CNST: variants seen among roughly 807,000 people sequenced by gnomAD.
CNST encodes consortin, connexin sorting protein, also known as consortin.
In CNST, 39 loss-of-function variants were observed where a neutral mutation model predicts 72.4. The ratio of observed to expected loss-of-function variants is 0.54; its 90% CI spans 0.42 to 0.70. The LOEUF is 0.70. Ranked by LOEUF, CNST falls within the 30% of genes least tolerant of loss-of-function variation. The pLI is 0.00. For missense variants in CNST, 871 were observed against 868.5 expected, an observed-to-expected ratio of 1.00 and a Z score of -0.04; for synonymous variants, 332 against 320.1, an observed-to-expected ratio of 1.04 and a Z score of -0.40.
At chr1:246,645,728 A>G (rs916522031) in intron 8 of CNST, among the ~76,000 whole-genome samples, 3 of 152,032 alleles carry the variant, frequency 2.0e-5, no homozygotes, top group Non-Finnish European at 4.4e-5. Flanking sequence ...CGCCCGGCCA[A>G]AAAGGTTAAA....
chr1:246,665,499 G>A (rs1384925448), intron 10 of CNST, among the ~76,000 whole-genome samples: 1 of 152,224 alleles, frequency 6.6e-6, no homozygotes, highest in African/African-American at 2.4e-5. Context: ...GCTTGTACAA[G>A]CTCCACAAGT....
At chr1:246,602,936 C>T (rs1662407549) in intron 2 of CNST, among the ~76,000 whole-genome samples, 1 of 151,290 alleles carries the variant, frequency 6.6e-6, no homozygotes, top group Non-Finnish European at 1.5e-5. Context: ...TGTTAAAATG[C>T]AGTATCTATG....
chr1:246,626,946 G>C (rs116152298), intron 3 of CNST, among the ~76,000 whole-genome samples: 2,386 of 152,264 alleles, frequency 0.016, 24 homozygotes, highest in Middle Eastern at 0.037. Flanking sequence ...GCCTTGAAGT[G>C]ATACTTTATT....
At position 246,666,571 on chromosome 1, in the gene CNST, G is replaced by A. The variant is rs3795472; in HGVS notation, c.*666G>A. On this transcript the variant is annotated 3_prime_UTR_variant, in exon 11 of 11. Transcript: ENST00000366513. ...AAATCTTTGGAGAAGGCTTAACTGT[G>A]GAATAGATGAATTCTAGAACTCTTG... 91,288 of 152,138 alleles carry A rather than the reference G, an allele frequency of 0.6. 27,523 individuals are homozygous for A. The highest frequency in any genetic ancestry group is 0.68 in the East Asian group (3,531 of 5,170). 9.4% of individuals were successfully genotyped at this position (152,138 alleles called of 1,614,324 possible).
At chr1:246,568,792 G>A (rs1423870134) in intron 1 of CNST, among the ~76,000 whole-genome samples, 7 of 152,206 alleles carry the variant, frequency 4.6e-5, no homozygotes, top group Non-Finnish European at 8.8e-5. Context: ...GGCCAGGGTG[G>A]TCTTGACCTC....
chr1:246,597,165 G>T (rs114956676), intron 2 of CNST, among the ~76,000 whole-genome samples: 4,378 of 152,232 alleles, frequency 0.029, 207 homozygotes, highest in African/African-American at 0.1. Context: ...CTGTATGAGG[G>T]TTACAGTTTC....
chr1:246,612,203 AT>A (rs1663364694), intron 2 of CNST, among the ~76,000 whole-genome samples: 1 of 152,114 alleles, frequency 6.6e-6, no homozygotes, highest in South Asian at 2.1e-4. Flanking sequence ...TTGTGAATGT[AT>A]TTTTTTGTTT....
intron 9 of CNST, among the ~76,000 whole-genome samples, chr1:246,656,417 T>C (rs114180124): frequency 0.015 from 2,270 of 152,192 alleles, 44 homozygotes; most frequent in African/African-American, 0.052. Context: ...CCAGATGGAA[T>C]TTTTTTTAAT....
intron 2 of CNST, among the ~76,000 whole-genome samples, chr1:246,595,314 G>T (rs553583381): frequency 2.5e-4 from 38 of 152,292 alleles, no homozygotes; most frequent in African/African-American, 9.1e-4. Context: ...CTAAGAACTT[G>T]CTTCAGCCTG....
chr1:246,653,427 G>GA (rs1461140347), intron 9 of CNST, among the ~76,000 whole-genome samples: 1 of 152,212 alleles, frequency 6.6e-6, no homozygotes, highest in Admixed American at 6.5e-5. Flanking sequence ...GAGGGTCTTA[G>GA]AAACAGCAAT....
rs769144157 is a variant in CNST, at chr1:246,660,202, G to C, written c.1840G>C (p.Val614Leu). The C allele has an allele frequency of 6.2e-7, 1 of 1,607,172 alleles. No homozygotes were observed. The highest frequency in any genetic ancestry group is 8.5e-7 in the Non-Finnish European group (1 of 1,177,540). The change falls in exon 10 of 11, where the codon GTT becomes CTT. Residue 614 changes from valine to leucine, a missense_variant. Transcript: ENST00000366513. The part of the protein sequence containing the change: ...LAKRIEIAEV[V>L]PTEGLVSILK... ...AGGTTCTTATAATTTCTGACAGGTT[G>C]TTCCTACTGAAGGATTGGTCTCCAT...
chr1:246,625,515 G>A (rs1318222637), intron 3 of CNST, among the ~76,000 whole-genome samples: 3 of 148,952 alleles, frequency 2.0e-5, no homozygotes, highest in African/African-American at 2.5e-5. Flanking sequence ...TCCACCTCCC[G>A]GGTTCAAGCA....
chr1:246,574,426 TAAAA>T (rs1022927380), intron 1 of CNST, among the ~76,000 whole-genome samples: 1 of 152,182 alleles, frequency 6.6e-6, no homozygotes, highest in Non-Finnish European at 1.5e-5. Context: ...TCTTTTTCTT[TAAAA>T]AAAATTTTTT....
rs183170361 is a variant in CNST, at chr1:246,664,254, A to G, written c.1973-1446A>G. On this transcript the variant is annotated intron_variant, in intron 10 of 10. Coordinates refer to ENST00000366513, the MANE Select transcript of CNST (RefSeq NM_152609.3). ...TTATTCCCAGCCTTTTGTTATAACA[A>G]ACCCTGCTGCAGTGAACAAGCTTGT... Among the ~76,000 whole-genome samples the G allele has an allele frequency of 3.0e-3, 461 of 152,298 alleles. 2 individuals carry two copies. Among genetic ancestry groups the G allele is most frequent in the African/African-American group, 0.01 (427 of 41,550 alleles).
intron 1 of CNST, among the ~76,000 whole-genome samples, chr1:246,580,809 T>G (rs1660728388): frequency 1.3e-5 from 2 of 152,128 alleles, no homozygotes; most frequent in African/African-American, 4.8e-5. Flanking sequence ...ATCATGATCT[T>G]AGCTCACTGC....
chr1:246,573,035 A>G (rs1322114560), intron 1 of CNST, among the ~76,000 whole-genome samples: 2 of 152,344 alleles, frequency 1.3e-5, no homozygotes, highest in East Asian at 3.9e-4. Flanking sequence ...CGTTTGTGCA[A>G]ATTATACTGG....
intron 2 of CNST, among the ~76,000 whole-genome samples, chr1:246,604,208 C>T (rs916331735): frequency 1.3e-5 from 2 of 151,758 alleles, no homozygotes; most frequent in African/African-American, 2.4e-5. Flanking sequence ...GAGCCGATAT[C>T]GCGCCATTGC....
Position 246,638,293 on chromosome 1 carries a change from C to G in CNST, c.819-3456C>G, listed in dbSNP as rs114865092. Reference sequence around the variant, plus strand: ...GAAAGAATAAGGACAGGGACAGAAACTGGCCTTGCACGGTTGTAGGGCTAC... The same window carrying G: ...GAAAGAATAAGGACAGGGACAGAAAGTGGCCTTGCACGGTTGTAGGGCTAC... On this transcript the variant is annotated intron_variant, in intron 6 of 10. Coordinates refer to ENST00000366513, the MANE Select transcript of CNST (RefSeq NM_152609.3). Among the ~76,000 whole-genome samples, 857 of 152,306 alleles carry G rather than the reference C, an allele frequency of 5.6e-3. 10 individuals are homozygous for G. The highest frequency in any genetic ancestry group is 0.02 in the African/African-American group (821 of 41,558).
rs2103183633 is a variant in CNST at position 246,666,881 on chromosome 1, T to G, written c.*976T>G. The G allele has an allele frequency of 6.6e-6, 1 of 152,334 alleles. No homozygotes were observed. Among genetic ancestry groups the G allele is most frequent in the Admixed American group, 6.5e-5 (1 of 15,296 alleles). 9.4% of individuals were successfully genotyped at this position (152,334 alleles called of 1,614,324 possible). ...TATATAGAATAAACCAGTACTTTGC[T>G]GAGTGAAATCACCATATAGAATTCA... On this transcript the variant is annotated 3_prime_UTR_variant, in exon 11 of 11. Transcript: ENST00000366513.
Sources: gnomAD v4.1 joint callset for allele counts (sites outside exome capture counted in the v4.1 genomes callset) on GRCh38, gnomAD v4.1.1 for gene constraint, MANE v1.5 for transcripts, NCBI Gene and HGNC (gene_info 2026-07-23, HGNC 2026-07-21) for gene names.